PSD3: variants seen among roughly 807,000 people sequenced by gnomAD.
The protein encoded by PSD3 is pleckstrin and Sec7 domain containing 3.
In PSD3, 49 loss-of-function variants were observed where a neutral mutation model predicts 105.5. The ratio of observed to expected loss-of-function variants is 0.46; its 90% CI spans 0.37 to 0.59. PSD3 has a LOEUF of 0.59. PSD3 is among the 20% of genes least tolerant of loss of function. The pLI is 0.00. For missense variants in PSD3, 1,561 were observed against 1,263.8 expected, an observed-to-expected ratio of 1.24 and a Z score of -3.57; for synonymous variants, 557 against 457.8, an observed-to-expected ratio of 1.22 and a Z score of -2.77.
chr8:18,859,716 G>A (rs1116018), intron 4 of PSD3, among the ~76,000 whole-genome samples: 23,345 of 152,048 alleles, frequency 0.15, 2,051 homozygotes, highest in East Asian at 0.25. Context: ...AACCACCCTC[G>A]GCTAGCTTCC....
chr8:18,806,144 G>C (rs1164788326), intron 4 of PSD3, among the ~76,000 whole-genome samples: 2 of 152,174 alleles, frequency 1.3e-5, no homozygotes, highest in East Asian at 3.9e-4. Context: ...TTTTTTAAAG[G>C]TGAAACTGGC....
intron 15 of PSD3, among the ~76,000 whole-genome samples, chr8:18,549,632 C>A (rs536410298): frequency 6.6e-6 from 1 of 152,342 alleles, no homozygotes; most frequent in Non-Finnish European, 1.5e-5. Context: ...GAGACGACAA[C>A]AGAAAGCTCC....
At chr8:18,821,838 T>C (rs1301429301) in intron 4 of PSD3, among the ~76,000 whole-genome samples, 1 of 106,356 alleles carries the variant, frequency 9.4e-6, no homozygotes, top group African/African-American at 4.3e-5. Flanking sequence ...GAGAAGGGAA[T>C]ACCCACACAC....
chr8:18,616,618 C>CT (rs36197855), intron 11 of PSD3, among the ~76,000 whole-genome samples: 18 of 72,346 alleles, frequency 2.5e-4, no homozygotes, highest in African/African-American at 7.0e-4. Context: ...ATCTTCCTCT[C>CT]TTTTCTTTTC....
chr8:18,557,177 T>A (rs1801132929), intron 14 of PSD3, among the ~76,000 whole-genome samples: 2 of 152,216 alleles, frequency 1.3e-5, no homozygotes, highest in Admixed American at 6.5e-5. Context: ...CTTGAAAATG[T>A]ATGACTCCTT....
intron 1 of PSD3, among the ~76,000 whole-genome samples, chr8:18,943,259 T>C (rs1304502669): frequency 6.6e-6 from 1 of 152,180 alleles, no homozygotes; most frequent in Non-Finnish European, 1.5e-5. Flanking sequence ...AACAGGTTTA[T>C]GGGGAAGGGA....
intron 11 of PSD3, among the ~76,000 whole-genome samples, chr8:18,620,236 T>G (rs1346090906): frequency 2.0e-5 from 3 of 152,160 alleles, no homozygotes; most frequent in African/African-American, 7.2e-5. Context: ...ATACCTTTCA[T>G]GTACTGATTT....
chr8:18,563,919 T>G (rs763135958), intron 14 of PSD3, among the ~76,000 whole-genome samples: 6 of 152,174 alleles, frequency 3.9e-5, no homozygotes, highest in Non-Finnish European at 7.3e-5. Context: ...CTGGGTCAGA[T>G]TATTCCAAAG....
At chr8:18,655,457 C>A (rs552098101) in intron 10 of PSD3, among the ~76,000 whole-genome samples, 185 bp downstream of exon 10, 2 of 151,966 alleles carry the variant, frequency 1.3e-5, no homozygotes, top group Non-Finnish European at 2.9e-5. Flanking sequence ...TGTATAAAAC[C>A]GAAATAGGTT....
Position 18,765,506 on chromosome 8 carries a change from G to A in PSD3, c.2115C>T (p.Phe705=). ...NIGKKMTCQE[F]IANLQGVNEG... is the part of the protein sequence containing the mutation. ...CATTTACCCCTTGCAGATTTGCAAT[G>A]AACTCCTGACAGGTCATCTTCTTTC... is the stretch of plus-strand genomic sequence containing the variant. Residue 705 remains phenylalanine (F), a synonymous_variant, in exon 9 of 16, where the codon TTC becomes TTT. Transcript: ENST00000327040. 3 of 1,612,548 alleles carry A rather than the reference G, an allele frequency of 1.9e-6. No homozygotes were observed. Among genetic ancestry groups the A allele is most frequent in the Non-Finnish European group, 2.5e-6 (3 of 1,178,596 alleles).
chr8:18,923,860 C>A (rs1327711997), intron 2 of PSD3, among the ~76,000 whole-genome samples: 1 of 149,400 alleles, frequency 6.7e-6, no homozygotes, highest in Non-Finnish European at 1.5e-5. Flanking sequence ...AAATCCTGCT[C>A]CTCAGCTTTT....
At position 18,994,004 on chromosome 8, in the gene PSD3, G is replaced by C. The variant is rs1456528708; in HGVS notation, c.21+19559C>G. Among the ~76,000 whole-genome samples, 4 of 151,968 alleles carry C rather than the reference G, an allele frequency of 2.6e-5. No individual in the cohort carries two copies. In the East Asian group the frequency reaches 7.7e-4, roughly 29 times the overall value. ...TGTGCTGAGAAGGCAGTCTGGCACAGAGTTGAAGGGAGTGAGCTCTGGAAC... is the reference window on the plus strand; with the variant it reads ...TGTGCTGAGAAGGCAGTCTGGCACACAGTTGAAGGGAGTGAGCTCTGGAAC... On this transcript the variant is annotated intron_variant, in intron 1 of 15. Transcript: ENST00000327040.
chr8:18,611,658 G>C (rs919967101), intron 11 of PSD3, among the ~76,000 whole-genome samples: 1 of 151,992 alleles, frequency 6.6e-6, no homozygotes, highest in Non-Finnish European at 1.5e-5. Flanking sequence ...AAAACACAAA[G>C]AAAGACTTTT....
chr8:18,871,850 G>A lies in PSD3; in HGVS notation c.1014C>T (p.Ser338=), dbSNP rs1193028141. The A allele has an allele frequency of 1.2e-6, 2 of 1,614,178 alleles. No individual in the cohort carries two copies. The highest frequency in any genetic ancestry group is 1.1e-5 in the South Asian group (1 of 91,076). ...RTASPDSKES[S]KVPRHLISSA... is the part of the protein sequence containing the mutation. ...ATGAGATGAGATGGCGTGGCACTTT[G>A]GAAGACTCTTTGCTGTCAGGAGAGG... The change falls in exon 3 of 16, where the codon TCC becomes TCT. Residue 338 remains serine, a synonymous_variant. Transcript: ENST00000327040.
intron 1 of PSD3, among the ~76,000 whole-genome samples, chr8:19,083,568 G>T: frequency 6.6e-6 from 1 of 152,182 alleles, no homozygotes; most frequent in Non-Finnish European, 1.5e-5. Context: ...TTGGGGAGAT[G>T]GAAGGTACAT....
chr8:18,905,449 G>C (rs1224307346), intron 2 of PSD3, among the ~76,000 whole-genome samples: 1 of 152,096 alleles, frequency 6.6e-6, no homozygotes, highest in Admixed American at 6.6e-5. Flanking sequence ...TCAGCCACCT[G>C]AGTAGCTGGG....
chr8:18,765,991 AACAG>A (rs1195474023), intron 8 of PSD3, among the ~76,000 whole-genome samples: 2 of 150,550 alleles, frequency 1.3e-5, no homozygotes, highest in Non-Finnish European at 3.0e-5. Flanking sequence ...AAAAACAAAA[AACAG>A]ACAAACAAAC....
chr8:18,530,240 A>G lies in PSD3; in HGVS notation c.*5503T>C, dbSNP rs908343128. 2.0e-5 allele frequency: 3 copies of G among 152,686 alleles called. No individual in the cohort carries two copies. Among genetic ancestry groups the G allele is most frequent in the African/African-American group, 7.2e-5 (3 of 41,478 alleles). 9.5% of individuals were successfully genotyped at this position (152,686 alleles called of 1,614,324 possible). ...ACTCTATAATATAAGCAGTAAGCTC[A>G]AACAACTAAGGCCAGTGGCTCTTCT... is the stretch of plus-strand genomic sequence containing the variant. On this transcript the variant is annotated 3_prime_UTR_variant, in exon 16 of 16. Transcript: ENST00000327040.
intron 9 of PSD3, among the ~76,000 whole-genome samples, chr8:18,758,701 C>T (rs544604014): frequency 3.4e-4 from 51 of 152,190 alleles, no homozygotes; most frequent in African/African-American, 1.1e-3. Context: ...TCTTTTGAGT[C>T]TGTTTAAATT....
Sources: allele counts gnomAD v4.1 joint callset (sites outside exome capture counted in the v4.1 genomes callset), GRCh38; gene constraint gnomAD v4.1.1; transcripts MANE v1.5; gene names NCBI Gene and HGNC (gene_info 2026-07-23, HGNC 2026-07-21).